The following CACNA1C variants were observed in gnomAD, a reference collection of about 807,000 sequenced individuals.
CACNA1C encodes voltage-dependent L-type calcium channel subunit alpha-1C.
A neutral mutation model predicts 229.0 loss-of-function variants in CACNA1C; 30 were observed. The observed-to-expected ratio is 0.13, with a 90% CI of 0.10 to 0.18. The LOEUF (loss-of-function observed/expected upper bound fraction) is 0.18, where lower values mean the gene tolerates loss of function less well. Ranked by LOEUF, CACNA1C falls within the 10% of genes least tolerant of loss-of-function variation. The probability of loss-of-function intolerance (pLI) is 1.00; values close to 1 mark genes in which losing one functional copy is unlikely to be tolerated. For synonymous variants in CACNA1C, 1,114 were observed against 1,132.5 expected (o/e 0.98, Z 0.33); for missense variants, 1,658 against 2,845.0 (o/e 0.58, Z 9.49).
Position 2,228,186 on chromosome 12 carries a change from C to T in CACNA1C, c.477+107756C>T, listed in dbSNP as rs373517582. Among the ~76,000 whole-genome samples the T allele has an allele frequency of 9.9e-5, 15 of 152,280 alleles. No individual in the cohort carries two copies. In the South Asian group the frequency reaches 3.1e-3, roughly 32 times the overall value. On this transcript the variant is annotated intron_variant, in intron 3 of 46. Transcript: ENST00000399655. ...CTGTGTTTGGCCCCGAGATGTTTTC[C>T]CACACCTTACACAGGGAACTCCCTA... is the stretch of plus-strand genomic sequence containing the variant.
Position 2,651,594 on chromosome 12 carries a change from C to G in CACNA1C, c.3946-46C>G, listed in dbSNP as rs112919597. On this transcript the variant is annotated intron_variant, in intron 31 of 46. Transcript: ENST00000399655. This position sits in a 1 kb window ranked among gnomAD's most constrained non-coding sequence, Gnocchi z 5.4. ...CGGAGGGGCCCTCCTGTTCTCACCC[C>G]CCTCTTGCTGTGCTAACTGCACCTC... is the stretch of plus-strand genomic sequence containing the variant. 1.6e-4 allele frequency: 260 copies of G among 1,613,840 alleles called. No individual in the cohort carries two copies. Among genetic ancestry groups the G allele is most frequent in the Middle Eastern group, 1.2e-3 (7 of 6,062 alleles).
chr12:2,053,738 G>A lies in CACNA1C; in HGVS notation c.49+127G>A. The A allele has an allele frequency of 1.0e-6, 1 of 978,862 alleles. No individual in the cohort carries two copies. Among genetic ancestry groups the A allele is most frequent in the Non-Finnish European group, 1.3e-6 (1 of 767,768 alleles). The allele number at this position is 978,862 out of a possible 1,614,324, so 60.6% of individuals were successfully genotyped here. On this transcript the variant is annotated intron_variant, in intron 1 of 46. Coordinates refer to ENST00000399655, the MANE Select transcript of CACNA1C (RefSeq NM_000719.7). The surrounding 1 kb of genome is among the most constrained non-coding windows in gnomAD (Gnocchi z 5.8). ...TGGCCCGGGGCCGCGTCCGCGAGGG[G>A]CGCCTCCGCCTCGTCGGAGCGCCCG...
In CACNA1C at chr12:2,641,790, G is replaced by C. The variant is rs528140228; in HGVS notation, c.3913-6685G>C. ...CCTTTAGCAACGTGACCCCTGAGTG[G>C]GGAGATTACTTTTGTGAGGTCCCTC... On this transcript the variant is annotated intron_variant, in intron 30 of 46. Coordinates refer to ENST00000399655, the MANE Select transcript of CACNA1C (RefSeq NM_000719.7). The C allele has an allele frequency of 3.3e-3, 2,308 of 702,298 alleles. 10 individuals carry two copies. Among genetic ancestry groups the C allele is most frequent in the Non-Finnish European group, 4.4e-3 (1,710 of 384,950 alleles). The allele number at this position is 702,298 out of a possible 1,614,324, so 43.5% of individuals were successfully genotyped here.
chr12:2,393,204 T>G (rs1207584847), intron 3 of CACNA1C, among the ~76,000 whole-genome samples: 1 of 152,148 alleles, frequency 6.6e-6, no homozygotes, highest in Non-Finnish European at 1.5e-5. Flanking sequence ...GACCACTGTC[T>G]TACCATAGAA....
At chr12:2,233,109 T>C (rs995995828) in intron 3 of CACNA1C, among the ~76,000 whole-genome samples, 2 of 152,286 alleles carry the variant, frequency 1.3e-5, no homozygotes, top group East Asian at 1.9e-4. Context: ...TCCTATCAGC[T>C]TGTGTTTATA....
rs1320485830 is a variant in CACNA1C, at chr12:2,693,493, GGAACTGGT to G, written c.*2298_*2305del. ...ACAAGGACAGCAGGGGCTCGAGAAAGGAACTGGTGAAACCCTGATCCATCTGAAAGTCA... is the reference window on the plus strand; with the variant it reads ...ACAAGGACAGCAGGGGCTCGAGAAAGGAAACCCTGATCCATCTGAAAGTCA... On this transcript the variant is annotated 3_prime_UTR_variant, in exon 47 of 47. Transcript: ENST00000399655. 1 of 152,214 alleles carries G rather than the reference GGAACTGGT, an allele frequency of 6.6e-6. No homozygotes were observed. Among genetic ancestry groups the G allele is most frequent in the African/African-American group, 2.4e-5 (1 of 41,458 alleles). The allele number at this position is 152,214 out of a possible 1,614,324, so 9.4% of individuals were successfully genotyped here. A position where few individuals can be genotyped will look rare whatever the true frequency, so the allele number is the denominator to read the frequency against.
chr12:2,049,930 T>C (rs2051828363), upstream of CACNA1C, among the ~76,000 whole-genome samples: 1 of 152,120 alleles, frequency 6.6e-6, no homozygotes, highest in Non-Finnish European at 1.5e-5. Context: ...ATTTAGGAAA[T>C]ACCTTTTTCT....
intron 1 of CACNA1C, among the ~76,000 whole-genome samples, chr12:1,985,226 T>A (rs2037357344): frequency 6.6e-6 from 1 of 152,144 alleles, no homozygotes. Flanking sequence ...CTCCTCTTTA[T>A]TAGACTTCAA....
intron 9 of CACNA1C, among the ~76,000 whole-genome samples, chr12:2,513,605 G>T (rs1362655897): frequency 6.6e-6 from 1 of 152,226 alleles, no homozygotes; most frequent in Non-Finnish European, 1.5e-5. Flanking sequence ...CCCCTTGTTG[G>T]ATAGGCTGTG....
intron 3 of CACNA1C, among the ~76,000 whole-genome samples, chr12:2,126,649 C>A (rs1055777506): frequency 6.6e-6 from 1 of 152,152 alleles, no homozygotes; most frequent in African/African-American, 2.4e-5. Context: ...GGGCTTTCTT[C>A]CTTCAGAGGT....
intron 9 of CACNA1C, among the ~76,000 whole-genome samples, chr12:2,544,162 A>G (rs2099877013): frequency 6.6e-6 from 1 of 152,132 alleles, no homozygotes; most frequent in Non-Finnish European, 1.5e-5. Flanking sequence ...AAAAAAAAAA[A>G]ACCTGCCGGT....
chr12:2,304,214 C>T (rs1311688767), intron 3 of CACNA1C, among the ~76,000 whole-genome samples: 1 of 152,088 alleles, frequency 6.6e-6, no homozygotes, highest in Non-Finnish European at 1.5e-5. Context: ...GGGTGGATTC[C>T]AGTGGGCTGC....
intron 3 of CACNA1C, among the ~76,000 whole-genome samples, chr12:2,297,521 G>C (rs1465866229): frequency 1.3e-5 from 2 of 152,184 alleles, no homozygotes; most frequent in East Asian, 3.8e-4. Flanking sequence ...AGGAGGAAAG[G>C]CAAAGGGAAG....
chr12:2,547,572 C>A (rs1430047211), intron 9 of CACNA1C: 2 of 773,358 alleles, frequency 2.6e-6, no homozygotes, highest in African/African-American at 3.4e-5. Context: ...TGGGTGCATA[C>A]CAGACTGAAT....
At chr12:2,485,832 G>A (rs2099695439) in intron 5 of CACNA1C, among the ~76,000 whole-genome samples, 1 of 152,188 alleles carries the variant, frequency 6.6e-6, no homozygotes, top group Admixed American at 6.5e-5. Context: ...TGACAGTTAT[G>A]GATGGAAACA....
chr12:2,465,963 C>T (rs1354283509), intron 5 of CACNA1C, among the ~76,000 whole-genome samples: 3 of 152,238 alleles, frequency 2.0e-5, no homozygotes, highest in African/African-American at 7.2e-5. Flanking sequence ...AACATTCTTA[C>T]TGATACGATG....
At position 2,665,278 on chromosome 12, in the gene CACNA1C, TG is replaced by T. The variant is rs2096018635; in HGVS notation, c.4398+290del. On this transcript the variant is annotated intron_variant, in intron 35 of 46. Coordinates refer to ENST00000399655, the MANE Select transcript of CACNA1C (RefSeq NM_000719.7). This position sits in a 1 kb window ranked among gnomAD's most constrained non-coding sequence, Gnocchi z 5.9. ...GGGCCTAGAAAGAACTGTACTTTTT[TG>T]GCATCTTGCTGAGGAGTGAGGAAAA... 1.3e-5 allele frequency among the ~76,000 whole-genome samples: 2 copies of T among 152,198 alleles called. No homozygotes were observed. Among genetic ancestry groups the T allele is most frequent in the African/African-American group, 4.8e-5 (2 of 41,460 alleles).
chr12:2,051,236 A>G (rs1790287212), upstream of CACNA1C, among the ~76,000 whole-genome samples: 1 of 152,178 alleles, frequency 6.6e-6, no homozygotes, highest in South Asian at 2.1e-4. Flanking sequence ...AGCTAGAGCA[A>G]AGGCCTTACA....
chr12:2,456,908 C>T (rs1022151713), intron 4 of CACNA1C, among the ~76,000 whole-genome samples: 10 of 152,238 alleles, frequency 6.6e-5, no homozygotes, highest in Non-Finnish European at 1.3e-4. Flanking sequence ...GTGCCCGGCA[C>T]ACCGCAGGTG....
Sources: gnomAD v4.1 joint callset for allele counts (sites outside exome capture counted in the v4.1 genomes callset) on GRCh38, gnomAD v4.1.1 for gene constraint, Gnocchi (gnomAD v3.1) non-coding constraint, MANE v1.5 for transcripts, NCBI Gene and HGNC (gene_info 2026-07-23, HGNC 2026-07-21) for gene names.